The following EFCAB5 variants were observed in gnomAD, a reference collection of about 807,000 sequenced individuals.
The protein encoded by EFCAB5 is EF-hand calcium binding domain 5.
A neutral mutation model predicts 167.9 loss-of-function variants in EFCAB5; 131 were observed. The ratio of observed to expected loss-of-function variants is 0.78; its 90% CI spans 0.68 to 0.90. EFCAB5 has a LOEUF of 0.90. Ranked by LOEUF, EFCAB5 falls within the 40% of genes least tolerant of loss-of-function variation. The pLI is 0.00. For missense variants in EFCAB5, 1,663 were observed against 1,745.2 expected (o/e 0.95, Z 0.84); for synonymous variants, 574 against 602.8 (o/e 0.95, Z 0.70).
chr17:30,073,065 T>TG, intron 14 of EFCAB5: 1 of 635,512 alleles, frequency 1.6e-6, no homozygotes, highest in Non-Finnish European at 2.8e-6. Flanking sequence ...ACCTTTATTT[T>TG]TTTTTTTTTG....
rs2071470668 is a variant in EFCAB5 at position 30,107,929 on chromosome 17, A to G, written c.4417A>G (p.Lys1473Glu). 3 of 1,612,090 alleles carry G rather than the reference A, an allele frequency of 1.9e-6. No homozygotes were observed. Among genetic ancestry groups the G allele is most frequent in the East Asian group, 2.2e-5 (1 of 44,728 alleles). Residue 1473 changes from lysine (K) to glutamate (E), a missense_variant, in exon 23 of 23, where the codon AAA becomes GAA. Coordinates refer to ENST00000394835, the MANE Select transcript of EFCAB5 (RefSeq NM_198529.4). ...HICSALMKIT[K>E]QLNSGITPPL... ...CTGTTCAGCTCTCATGAAGATAACC[A>G]AACAACTAAATAGTGGTATTACACC... is the stretch of plus-strand genomic sequence containing the variant.
At chr17:29,933,560 GA>G (rs2067220511) in intron 1 of EFCAB5, among the ~76,000 whole-genome samples, 2 of 152,174 alleles carry the variant, frequency 1.3e-5, no homozygotes, top group Admixed American at 1.3e-4. Context: ...GGGAGCCAAA[GA>G]GACAAAAGTC....
chr17:29,945,866 A>G (rs891240520), intron 3 of EFCAB5, among the ~76,000 whole-genome samples: 1 of 152,202 alleles, frequency 6.6e-6, no homozygotes, highest in Non-Finnish European at 1.5e-5. Flanking sequence ...TAAATCTAAG[A>G]CCTGAAACCT....
At chr17:30,042,027 G>A (rs1369130010) in intron 8 of EFCAB5, among the ~76,000 whole-genome samples, 1 of 144,394 alleles carries the variant, frequency 6.9e-6, no homozygotes, top group Admixed American at 6.9e-5. Flanking sequence ...TTTTTTTTTT[G>A]AGATGGAGTA....
At chr17:30,107,502 AATAAT>A (rs2071464051) in intron 22 of EFCAB5, among the ~76,000 whole-genome samples, 1 of 152,238 alleles carries the variant, frequency 6.6e-6, no homozygotes, top group South Asian at 2.1e-4. Flanking sequence ...TGAATCCATA[AATAAT>A]ATAATACTAT....
At chr17:30,000,800 C>T (rs528161543) in intron 7 of EFCAB5, among the ~76,000 whole-genome samples, 1 of 152,242 alleles carries the variant, frequency 6.6e-6, no homozygotes, top group Admixed American at 6.5e-5. Flanking sequence ...TTCTTAGATT[C>T]TGTGTTTGTC....
At chr17:30,042,269 A>G (rs2069795403) in intron 8 of EFCAB5, among the ~76,000 whole-genome samples, 1 of 152,318 alleles carries the variant, frequency 6.6e-6, no homozygotes, top group South Asian at 2.1e-4. Flanking sequence ...TCAGCCTCCC[A>G]AAGTGCTGGG....
intron 12 of EFCAB5, among the ~76,000 whole-genome samples, chr17:30,057,133 C>T (rs1044392006): frequency 1.3e-5 from 2 of 152,110 alleles, no homozygotes; most frequent in African/African-American, 4.8e-5. Flanking sequence ...ATTTGTTTAA[C>T]TAGAAAGTTC....
At chr17:30,071,886 G>A (rs1377990717) in intron 14 of EFCAB5, among the ~76,000 whole-genome samples, 2 of 152,130 alleles carry the variant, frequency 1.3e-5, no homozygotes, top group African/African-American at 4.8e-5. Context: ...AATGAAATAA[G>A]CCAGGCACAA....
intron 4 of EFCAB5, among the ~76,000 whole-genome samples, chr17:29,980,310 C>T (rs1392344906): frequency 6.6e-6 from 1 of 152,170 alleles, no homozygotes; most frequent in Non-Finnish European, 1.5e-5. Flanking sequence ...TCATGAAGAA[C>T]TTATACAGTC....
intron 14 of EFCAB5, among the ~76,000 whole-genome samples, chr17:30,077,689 C>T (rs58889430): frequency 0.093 from 14,219 of 152,160 alleles, 1,460 homozygotes; most frequent in African/African-American, 0.26. Flanking sequence ...TATGGCCTTA[C>T]GGGCAGATGT....
At chr17:30,029,469 AT>A (rs1434609024) in intron 7 of EFCAB5, among the ~76,000 whole-genome samples, 1 of 152,210 alleles carries the variant, frequency 6.6e-6, no homozygotes, top group African/African-American at 2.4e-5. Flanking sequence ...AAAGTACTGA[AT>A]GCATATCACT....
chr17:30,060,805 G>A (rs978021438), intron 14 of EFCAB5, among the ~76,000 whole-genome samples: 37 of 152,144 alleles, frequency 2.4e-4, no homozygotes, highest in Admixed American at 1.5e-3. Context: ...GGCAAATTTC[G>A]TAACACAAAA....
chr17:29,934,324 G>C (rs1247317193), intron 1 of EFCAB5, among the ~76,000 whole-genome samples: 1 of 152,134 alleles, frequency 6.6e-6, no homozygotes, highest in Non-Finnish European at 1.5e-5. Context: ...CATTATCACA[G>C]GGTATTTCCT....
Position 29,946,991 on chromosome 17 carries a change from T to C in EFCAB5, c.190+3342T>C, listed in dbSNP as rs182958268. Among the ~76,000 whole-genome samples, 586 of 152,114 alleles carry C rather than the reference T, an allele frequency of 3.9e-3. 4 individuals are homozygous for C. The highest frequency in any genetic ancestry group is 0.013 in the African/African-American group (547 of 41,504). ...CAAGGTCAAGAGATCGAGACCATCC[T>C]GGTGAAACCCCGTCTGTACTAAAAA... is the stretch of plus-strand genomic sequence containing the variant. On this transcript the variant is annotated intron_variant, in intron 3 of 22. Transcript: ENST00000394835.
intron 3 of EFCAB5, among the ~76,000 whole-genome samples, chr17:29,947,463 G>C (rs948867135): frequency 6.6e-6 from 1 of 151,912 alleles, no homozygotes; most frequent in Non-Finnish European, 1.5e-5. Context: ...CTGCATATTG[G>C]GTACAATGTA....
At chr17:29,973,540 C>T (rs1217234554) in intron 4 of EFCAB5, among the ~76,000 whole-genome samples, 4 of 140,612 alleles carry the variant, frequency 2.8e-5, no homozygotes, top group African/African-American at 1.1e-4. Context: ...AGTGCAGTGG[C>T]GGGATCTTGG....
At chr17:30,037,616 GA>G (rs1339135414) in intron 8 of EFCAB5, among the ~76,000 whole-genome samples, 1 of 152,118 alleles carries the variant, frequency 6.6e-6, no homozygotes, top group Non-Finnish European at 1.5e-5. Context: ...ATGAATAGAA[GA>G]AAAACATTTC....
At chr17:30,031,351 A>C (rs1054568835) in intron 7 of EFCAB5, among the ~76,000 whole-genome samples, 2 of 152,212 alleles carry the variant, frequency 1.3e-5, no homozygotes, top group Non-Finnish European at 1.5e-5. Flanking sequence ...TTCTCAGATG[A>C]TGCTGATGCT....
Sources: gnomAD v4.1 joint callset for allele counts (sites outside exome capture counted in the v4.1 genomes callset) on GRCh38, gnomAD v4.1.1 for gene constraint, MANE v1.5 for transcripts, NCBI Gene and HGNC (gene_info 2026-07-23, HGNC 2026-07-21) for gene names.